The following TBC1D8 variants were observed in gnomAD, a reference collection of about 807,000 sequenced individuals.
TBC1D8 encodes BUB2-like protein 1.
In TBC1D8, 65 loss-of-function variants were observed where a neutral mutation model predicts 118.8. That is an observed-to-expected ratio of 0.55 (90% CI 0.45 to 0.67). The LOEUF (loss-of-function observed/expected upper bound fraction) is 0.67, where lower values mean the gene tolerates loss of function less well. TBC1D8 is among the 30% of genes least tolerant of loss of function. The pLI, the probability that TBC1D8 is intolerant of heterozygous loss-of-function variation, is 0.00. For missense variants in TBC1D8, 1,376 were observed against 1,471.2 expected, an observed-to-expected ratio of 0.94 and a Z score of 1.06; for synonymous variants, 566 against 595.8, an observed-to-expected ratio of 0.95 and a Z score of 0.73.
At chr2:101,112,996 G>A (rs376375976) in intron 1 of TBC1D8, among the ~76,000 whole-genome samples, 38 of 152,240 alleles carry the variant, frequency 2.5e-4, no homozygotes, top group South Asian at 1.2e-3. Context: ...TCTGATACCC[G>A]TGCAGGCTGT....
chr2:101,142,229 G>A (rs1679135186), intron 1 of TBC1D8, among the ~76,000 whole-genome samples: 1 of 152,114 alleles, frequency 6.6e-6, no homozygotes, highest in South Asian at 2.1e-4. Context: ...TATCTAGAAA[G>A]GTTGAAAATA....
chr2:101,012,216 C>G (rs901923869), intron 17 of TBC1D8, among the ~76,000 whole-genome samples: 1 of 152,268 alleles, frequency 6.6e-6, no homozygotes, highest in South Asian at 2.1e-4. Context: ...CATATACACC[C>G]AAGAGAACTG....
chr2:101,011,088 A>G, intron 18 of TBC1D8, 62 bp from the exon 19 acceptor site: 3 of 1,525,862 alleles, frequency 2.0e-6, no homozygotes, highest in Non-Finnish European at 2.7e-6. Flanking sequence ...AGCAAAAAGG[A>G]AACTATGTAG....
intron 5 of TBC1D8, among the ~76,000 whole-genome samples, chr2:101,046,042 T>C (rs1463864757): frequency 3.9e-5 from 6 of 152,196 alleles, no homozygotes; most frequent in Admixed American, 2.6e-4. Flanking sequence ...CAGGGAAATA[T>C]CAAGCTTTCT....
chr2:101,100,562 C>A (rs1388142521), intron 1 of TBC1D8, among the ~76,000 whole-genome samples: 1 of 152,022 alleles, frequency 6.6e-6, no homozygotes, highest in Non-Finnish European at 1.5e-5. Flanking sequence ...CAAGACAATC[C>A]TAAACAAAAA....
At position 101,040,268 on chromosome 2, in the gene TBC1D8, G is replaced by A; in HGVS notation, c.990C>T (p.His330=). 6.2e-7 allele frequency: 1 copy of A among 1,614,018 alleles called. No homozygotes were observed. The highest frequency in any genetic ancestry group is 8.5e-7 in the Non-Finnish European group (1 of 1,179,904). The change falls in exon 6 of 20, where the codon CAC becomes CAT. Residue 330 remains histidine (H), a synonymous_variant. Transcript: ENST00000409318. ...CAGAGGCGAACATCCGCCCCGTGGT[G>A]TGACAGCGACTGAACGGCGTCCAGA... is the stretch of plus-strand genomic sequence containing the variant. The part of the protein sequence containing the change: ...CSLWTPFSRC[H]TTGRMFASDS...
Position 101,007,678 on chromosome 2 carries a change from C to T in TBC1D8, c.*143G>A, listed in dbSNP as rs1678829573. On this transcript the variant is annotated 3_prime_UTR_variant, in exon 20 of 20. Coordinates refer to ENST00000409318, the MANE Select transcript of TBC1D8 (RefSeq NM_001330348.2). ...ATGCTTGAGGGTTGTGTCGGTTCCCCTGGCCACAGTTTGTCAGGTTGTTTA... is the reference window on the plus strand; with the variant it reads ...ATGCTTGAGGGTTGTGTCGGTTCCCTTGGCCACAGTTTGTCAGGTTGTTTA... The T allele has an allele frequency of 6.0e-6, 5 of 835,280 alleles. No individual in the cohort carries two copies. Among genetic ancestry groups the T allele is most frequent in the Non-Finnish European group, 9.4e-6 (5 of 529,844 alleles). The allele number at this position is 835,280 out of a possible 1,614,324, so 51.7% of individuals were successfully genotyped here.
At chr2:101,103,020 C>G (rs1217750374) in intron 1 of TBC1D8, among the ~76,000 whole-genome samples, 1 of 151,926 alleles carries the variant, frequency 6.6e-6, no homozygotes, top group Non-Finnish European at 1.5e-5. Flanking sequence ...AGTAAGGAGG[C>G]CAACGTTCCT....
chr2:101,008,142 G>C lies in TBC1D8; in HGVS notation c.3147C>G (p.Gly1049=). 6.2e-7 allele frequency: 1 copy of C among 1,613,810 alleles called. No homozygotes were observed. The highest frequency in any genetic ancestry group is 8.5e-7 in the Non-Finnish European group (1 of 1,179,790). ...LLQIGEVGQR[G]SSSGSCSQEC... Reference sequence around the variant, plus strand: ...CCTGGGAGCAGCTTCCAGAGCTGCTGCCTCGCTGCCCCACCTCCCCGATCT... The same window carrying C: ...CCTGGGAGCAGCTTCCAGAGCTGCTCCCTCGCTGCCCCACCTCCCCGATCT... The change falls in exon 20 of 20, where the codon GGC becomes GGG. Residue 1049 remains glycine, a synonymous_variant. Coordinates refer to ENST00000409318, the MANE Select transcript of TBC1D8 (RefSeq NM_001330348.2).
chr2:101,036,454 G>A (rs6706075), intron 8 of TBC1D8, among the ~76,000 whole-genome samples: 128,573 of 150,920 alleles, frequency 0.85, 54,985 homozygotes, highest in African/African-American at 0.95. Flanking sequence ...GATAACAAGG[G>A]TATGTGAATC....
intron 2 of TBC1D8, among the ~76,000 whole-genome samples, chr2:101,089,937 A>AC (rs1234220577): frequency 3.3e-5 from 5 of 150,726 alleles, no homozygotes; most frequent in African/African-American, 1.2e-4. Flanking sequence ...AAAAAAAAAA[A>AC]AAAAAAGATG....
chr2:101,099,621 T>C (rs1676696109), intron 1 of TBC1D8, among the ~76,000 whole-genome samples: 1 of 152,190 alleles, frequency 6.6e-6, no homozygotes, highest in Admixed American at 6.5e-5. Flanking sequence ...AATAACATAC[T>C]GGCAAATCAA....
chr2:101,142,670 G>A (rs572563620), intron 1 of TBC1D8, among the ~76,000 whole-genome samples: 2 of 152,152 alleles, frequency 1.3e-5, no homozygotes, highest in East Asian at 1.9e-4. Context: ...AATACATAAA[G>A]CATGAATAAA....
chr2:101,093,337 G>A (rs1453940388), intron 1 of TBC1D8, among the ~76,000 whole-genome samples: 2 of 152,084 alleles, frequency 1.3e-5, no homozygotes, highest in Admixed American at 6.5e-5. Flanking sequence ...AACTGCATAC[G>A]CATTTACATA....
chr2:101,080,493 C>G (rs866209533), intron 2 of TBC1D8, among the ~76,000 whole-genome samples: 1 of 152,156 alleles, frequency 6.6e-6, no homozygotes, highest in African/African-American at 2.4e-5. Context: ...AACAGTGATG[C>G]AGACTGCAAG....
Position 101,017,828 on chromosome 2 carries a change from A to G in TBC1D8, c.2827+3853T>C. ...TATTAGTTTTCATACTAATACTAACAGTGAAGCAGCTACATGCAATTCCCA... is the reference window on the plus strand; with the variant it reads ...TATTAGTTTTCATACTAATACTAACGGTGAAGCAGCTACATGCAATTCCCA... On this transcript the variant is annotated intron_variant, in intron 17 of 19. Coordinates refer to ENST00000409318, the MANE Select transcript of TBC1D8 (RefSeq NM_001330348.2). 1.9e-6 allele frequency: 3 copies of G among 1,549,824 alleles called. No individual in the cohort carries two copies. In the East Asian group the frequency reaches 7.3e-5, roughly 38 times the overall value.
chr2:101,136,372 C>T (rs923809762), intron 1 of TBC1D8, among the ~76,000 whole-genome samples: 1 of 152,208 alleles, frequency 6.6e-6, no homozygotes, highest in Non-Finnish European at 1.5e-5. Flanking sequence ...CTTCACCTTC[C>T]ATCATGAGTG....
intron 15 of TBC1D8, among the ~76,000 whole-genome samples, chr2:101,026,669 C>T (rs1446197769): frequency 4.6e-5 from 7 of 152,278 alleles, no homozygotes; most frequent in South Asian, 2.1e-4. Flanking sequence ...AACTGCGCTT[C>T]CTCCCCGTCT....
intron 1 of TBC1D8, among the ~76,000 whole-genome samples, chr2:101,147,320 G>A (rs962205561): frequency 6.6e-6 from 1 of 152,062 alleles, no homozygotes; most frequent in Non-Finnish European, 1.5e-5. Context: ...CATTTCCTTC[G>A]AATATATACC....
Sources: gnomAD v4.1 joint callset for allele counts (sites outside exome capture counted in the v4.1 genomes callset) on GRCh38, gnomAD v4.1.1 for gene constraint, MANE v1.5 for transcripts, NCBI Gene and HGNC (gene_info 2026-07-23, HGNC 2026-07-21) for gene names.